Variants in LRMDA observed in about 807,000 individuals in gnomAD.
LRMDA encodes leucine-rich melanocyte differentiation-associated protein.
A neutral mutation model predicts 29.8 loss-of-function variants in LRMDA; 18 were observed. The observed-to-expected ratio is 0.60, with a 90% CI of 0.42 to 0.90. The LOEUF is 0.90. Ranked by LOEUF, LRMDA falls within the 40% of genes least tolerant of loss-of-function variation. LRMDA has a pLI of 0.00. For synonymous variants in LRMDA, 125 were observed against 109.4 expected, an observed-to-expected ratio of 1.14 and a Z score of -0.89; for missense variants, 273 against 273.9, an observed-to-expected ratio of 1.00 and a Z score of 0.02.
intron 6 of LRMDA, among the ~76,000 whole-genome samples, chr10:76,381,577 C>T (rs952070716): frequency 3.3e-5 from 5 of 152,186 alleles, no homozygotes; most frequent in Non-Finnish European, 5.9e-5. Context: ...TAACTACCCT[C>T]TCCTCACATG....
chr10:76,526,294 G>A (rs1057477888), intron 6 of LRMDA, among the ~76,000 whole-genome samples: 1 of 152,176 alleles, frequency 6.6e-6, no homozygotes, highest in Non-Finnish European at 1.5e-5. Flanking sequence ...GGCTGAAAGA[G>A]CAGATCAGTA....
At chr10:76,173,783 C>T (rs1436613380) in intron 5 of LRMDA, among the ~76,000 whole-genome samples, 1 of 152,166 alleles carries the variant, frequency 6.6e-6, no homozygotes, top group Non-Finnish European at 1.5e-5. Context: ...GCCTCAGCCT[C>T]CCGAGTAGCT....
intron 2 of LRMDA, among the ~76,000 whole-genome samples, chr10:75,977,702 C>A (rs1251054686): frequency 6.6e-6 from 1 of 152,134 alleles, no homozygotes; most frequent in African/African-American, 2.4e-5. Flanking sequence ...CTGCCCACGG[C>A]CTATGATGGT....
chr10:76,071,350 A>C (rs1564645286), intron 5 of LRMDA, among the ~76,000 whole-genome samples: 1 of 152,228 alleles, frequency 6.6e-6, no homozygotes, highest in Non-Finnish European at 1.5e-5. Flanking sequence ...AAACAAACAA[A>C]CAAAAAAATC....
At chr10:76,280,826 T>G (rs1840194267) in intron 5 of LRMDA, among the ~76,000 whole-genome samples, 1 of 151,520 alleles carries the variant, frequency 6.6e-6, no homozygotes, top group Non-Finnish European at 1.5e-5. Flanking sequence ...AAAAAAAAGG[T>G]ACTGGACTGT....
Position 76,085,793 on chromosome 10 carries a change from C to T in LRMDA, c.516+27010C>T, listed in dbSNP as rs1242787231. 2.0e-5 allele frequency among the ~76,000 whole-genome samples: 3 copies of T among 152,144 alleles called. No homozygotes were observed. The East Asian group carries it at 5.8e-4, about 29-fold the overall frequency. The stretch of plus-strand genomic sequence containing the variant: ...TGTTTCCATGTAAGCTAAACATAGC[C>T]ATCTTTTCTAGTGATCCTGGCTTCC... On this transcript the variant is annotated intron_variant, in intron 5 of 6. Coordinates refer to ENST00000611255, the MANE Select transcript of LRMDA (RefSeq NM_001305581.2).
chr10:76,244,126 T>C (rs113045555), intron 5 of LRMDA, among the ~76,000 whole-genome samples: 214 of 152,310 alleles, frequency 1.4e-3, no homozygotes, highest in African/African-American at 4.9e-3. Context: ...ACCAGTTTTA[T>C]AATAAATTGC....
chr10:75,935,613 A>C (rs546995760), intron 2 of LRMDA, among the ~76,000 whole-genome samples: 1 of 152,342 alleles, frequency 6.6e-6, no homozygotes. Context: ...CCAAGGTCAC[A>C]GAGAAAGGTT....
chr10:75,717,839 C>A (rs1338699951), intron 2 of LRMDA, among the ~76,000 whole-genome samples: 1 of 151,974 alleles, frequency 6.6e-6, no homozygotes, highest in East Asian at 1.9e-4. Context: ...TAGTCTGTAG[C>A]ATGTATTTTC....
At chr10:75,486,012 C>T (rs74933958) in intron 2 of LRMDA, among the ~76,000 whole-genome samples, 6 of 152,212 alleles carry the variant, frequency 3.9e-5, no homozygotes, top group East Asian at 3.9e-4. Context: ...TAGAACTGTG[C>T]GTATTTAAAG....
intron 5 of LRMDA, among the ~76,000 whole-genome samples, chr10:76,288,712 A>T (rs2132344264): frequency 6.6e-6 from 1 of 152,270 alleles, no homozygotes; most frequent in Admixed American, 6.5e-5. Context: ...AAATGCTATG[A>T]CCAGATTTGC....
At chr10:75,617,546 C>G (rs566580407) in intron 2 of LRMDA, among the ~76,000 whole-genome samples, 2 of 152,186 alleles carry the variant, frequency 1.3e-5, no homozygotes, top group African/African-American at 4.8e-5. Context: ...TGGCTCCCAC[C>G]GACTAGTAGA....
Position 76,258,224 on chromosome 10 carries a change from G to C in LRMDA, c.517-66177G>C, listed in dbSNP as rs144975144. Among the ~76,000 whole-genome samples the C allele has an allele frequency of 2.7e-3, 416 of 152,226 alleles. 21 individuals are homozygous for C. The East Asian group carries it at 0.062, about 23-fold the overall frequency. On this transcript the variant is annotated intron_variant, in intron 5 of 6. Transcript: ENST00000611255. Reference sequence around the variant, plus strand: ...ACCCATAAGGGTTGTGTTATCTCCAGGTATTCAAGTAACATTGGCAGTAAT... The same window carrying C: ...ACCCATAAGGGTTGTGTTATCTCCACGTATTCAAGTAACATTGGCAGTAAT...
intron 6 of LRMDA, among the ~76,000 whole-genome samples, chr10:76,529,559 TGTA>T (rs1843212680): frequency 1.3e-5 from 2 of 152,152 alleles, no homozygotes; most frequent in Non-Finnish European, 2.9e-5. Flanking sequence ...CTGTTAAAAA[TGTA>T]GATGTCTAGG....
intron 4 of LRMDA, among the ~76,000 whole-genome samples, chr10:76,054,420 C>T (rs1048215506): frequency 2.0e-5 from 3 of 151,976 alleles, no homozygotes; most frequent in African/African-American, 7.2e-5. Flanking sequence ...TTTTAACTAG[C>T]TTAAAAGCCA....
chr10:75,899,732 C>T (rs756587852), intron 2 of LRMDA, among the ~76,000 whole-genome samples: 9 of 152,148 alleles, frequency 5.9e-5, no homozygotes, highest in Non-Finnish European at 1.2e-4. Flanking sequence ...GTACAGGATT[C>T]GCCTAAATCT....
chr10:76,359,805 C>G (rs1841289092), intron 6 of LRMDA, among the ~76,000 whole-genome samples: 1 of 152,100 alleles, frequency 6.6e-6, no homozygotes, highest in Non-Finnish European at 1.5e-5. Flanking sequence ...TTTTGAAAGT[C>G]TATGAAAATC....
chr10:75,710,997 A>G (rs143821146), intron 2 of LRMDA, among the ~76,000 whole-genome samples: 69 of 152,380 alleles, frequency 4.5e-4, no homozygotes, highest in African/African-American at 1.5e-3. Context: ...AGCCTTCTGG[A>G]AAGTTCTCTT....
intron 6 of LRMDA, among the ~76,000 whole-genome samples, chr10:76,351,152 T>C (rs1841171708): frequency 6.6e-6 from 1 of 151,956 alleles, no homozygotes; most frequent in African/African-American, 2.4e-5. Flanking sequence ...GAATGTGATA[T>C]GTCAGGGGTT....
Sources: allele counts gnomAD v4.1 joint callset (sites outside exome capture counted in the v4.1 genomes callset), GRCh38; gene constraint gnomAD v4.1.1; transcripts MANE v1.5; gene names NCBI Gene and HGNC (gene_info 2026-07-23, HGNC 2026-07-21).